NSRP1: variants seen among roughly 807,000 people sequenced by gnomAD.
NSRP1 encodes the protein coiled-coil domain containing 55.
Under a neutral mutation model 54.7 loss-of-function variants are expected in NSRP1, and 24 were observed. The observed-to-expected ratio is 0.44, with a 90% CI of 0.32 to 0.62. The LOEUF is 0.62. Ranked by LOEUF, NSRP1 falls within the 20% of genes least tolerant of loss-of-function variation. The pLI is 0.06. For synonymous variants in NSRP1, 210 were observed against 213.8 expected (o/e 0.98, Z 0.15); for missense variants, 596 against 651.2 (o/e 0.92, Z 0.92).
chr17:30,122,489 C>T (rs1242190967), intron 2 of NSRP1: 1 of 139,684 alleles, frequency 7.2e-6, no homozygotes, highest in Non-Finnish European at 1.5e-5. Context: ...ATTGCAATCT[C>T]TGCCTCCCTG....
At chr17:30,127,261 T>C (rs929425878) in intron 2 of NSRP1, among the ~76,000 whole-genome samples, 2 of 152,238 alleles carry the variant, frequency 1.3e-5, no homozygotes, top group Non-Finnish European at 2.9e-5. Context: ...TGTTTATCTA[T>C]GATAAATGCC....
At chr17:30,133,094 C>T (rs1038120622) in intron 2 of NSRP1, among the ~76,000 whole-genome samples, 9 of 150,648 alleles carry the variant, frequency 6.0e-5, no homozygotes, top group African/African-American at 2.2e-4. Context: ...CAGGCACTCA[C>T]CACCACACCC....
intron 2 of NSRP1, among the ~76,000 whole-genome samples, chr17:30,169,412 A>G (rs7222685): frequency 5.9e-5 from 9 of 151,790 alleles, no homozygotes; most frequent in Non-Finnish European, 4.4e-5. Context: ...TGGAGATGTA[A>G]TCTTCTCAGT....
At chr17:30,134,194 A>G (rs2071727883) in intron 2 of NSRP1, among the ~76,000 whole-genome samples, 1 of 152,230 alleles carries the variant, frequency 6.6e-6, no homozygotes, top group African/African-American at 2.4e-5. Flanking sequence ...GAAAACACAC[A>G]ACATGTATCA....
chr17:30,181,338 A>C lies in NSRP1; in HGVS notation c.617+322A>C, dbSNP rs1481950930. 2.0e-5 allele frequency among the ~76,000 whole-genome samples: 3 copies of C among 152,026 alleles called. No individual in the cohort carries two copies. In the East Asian group the frequency reaches 5.8e-4, roughly 29 times the overall value. On this transcript the variant is annotated intron_variant, in intron 6 of 6. Coordinates refer to ENST00000247026, the MANE Select transcript of NSRP1 (RefSeq NM_032141.4). ...AATTTTTAAGTGATTTATGGGTCTT[A>C]ACAAGGGAGAGCAAAATCTTCAAGG...
At chr17:30,147,573 C>T (rs925016746) in intron 2 of NSRP1, among the ~76,000 whole-genome samples, 1 of 151,170 alleles carries the variant, frequency 6.6e-6, no homozygotes, top group African/African-American at 2.5e-5. Context: ...ACGCCATTCT[C>T]CTGCCTCAGC....
At chr17:30,154,585 T>C (rs558035870) in intron 2 of NSRP1, 1 of 151,524 alleles carries the variant, frequency 6.6e-6, no homozygotes, top group East Asian at 2.0e-4. Context: ...TAGTGGTACA[T>C]ACCCGTAGTC....
chr17:30,155,750 T>C (rs1311014629), intron 2 of NSRP1, among the ~76,000 whole-genome samples: 1 of 152,180 alleles, frequency 6.6e-6, no homozygotes, highest in Non-Finnish European at 1.5e-5. Context: ...ATGTGTGTTC[T>C]AGGAGTTTCT....
At position 30,186,452 on chromosome 17, in the gene NSRP1, A is replaced by G. The variant is rs1364906678; in HGVS notation, c.*778A>G. On this transcript the variant is annotated 3_prime_UTR_variant, in exon 7 of 7. Transcript: ENST00000247026. Reference sequence around the variant, plus strand: ...CAGCATAGTTGGCTTAAATGAAAATAAAATGATATGCTTATACATTTTATT... The same window carrying G: ...CAGCATAGTTGGCTTAAATGAAAATGAAATGATATGCTTATACATTTTATT... The G allele has an allele frequency of 1.3e-5, 2 of 152,262 alleles. No individual in the cohort carries two copies. Among genetic ancestry groups the G allele is most frequent in the Non-Finnish European group, 1.5e-5 (1 of 68,042 alleles). The allele number at this position is 152,262 out of a possible 1,614,324, so 9.4% of individuals were successfully genotyped here.
At chr17:30,168,593 GTAA>G (rs1022429926) in intron 2 of NSRP1, among the ~76,000 whole-genome samples, 56 of 135,374 alleles carry the variant, frequency 4.1e-4, no homozygotes, top group Middle Eastern at 3.9e-3. Context: ...AATAATAATA[GTAA>G]TAATAATAAT....
At chr17:30,167,984 T>C (rs1456920813) in intron 2 of NSRP1, 1 of 152,202 alleles carries the variant, frequency 6.6e-6, no homozygotes, top group African/African-American at 2.4e-5. Flanking sequence ...GTTGGTGAAT[T>C]TCCAATAATA....
rs146216710 is a variant in NSRP1 at position 30,184,811 on chromosome 17, G to A, written c.814G>A (p.Val272Ile). 13 of 1,613,932 alleles carry A rather than the reference G, an allele frequency of 8.1e-6. No individual in the cohort carries two copies. In the African/African-American group the frequency reaches 1.6e-4, roughly 20 times the overall value. The change falls in exon 7 of 7, where the codon GTC (valine) becomes ATC (isoleucine). Residue 272 changes from valine to isoleucine, a missense_variant. Coordinates refer to ENST00000247026, the MANE Select transcript of NSRP1 (RefSeq NM_032141.4). ...TAGAGTGAACTGCAGAAGGGAAAAG[G>A]TCATAGAGACCCCTGAGAATGACTT... ...ETRVNCRREK[V>I]IETPENDFKH...
intron 6 of NSRP1, 122 bp downstream of exon 6, chr17:30,181,138 C>T: frequency 4.5e-6 from 3 of 665,428 alleles, no homozygotes; most frequent in Non-Finnish European, 8.0e-6. Flanking sequence ...TGTCAGCCAG[C>T]CTTACCTAAC....
At chr17:30,156,354 A>G (rs563900457) in intron 2 of NSRP1, among the ~76,000 whole-genome samples, 32 of 91,976 alleles carry the variant, frequency 3.5e-4, no homozygotes, top group Non-Finnish European at 6.5e-4. Context: ...AGTCCTTCCC[A>G]GCCTCTGTTC....
intron 3 of NSRP1, 68 bp downstream of exon 3, chr17:30,172,666 G>A: frequency 2.3e-6 from 3 of 1,286,472 alleles, no homozygotes; most frequent in Non-Finnish European, 3.3e-6. Context: ...CATCAGTTTT[G>A]GTATCTAGGT....
At chr17:30,122,351 T>TATA (rs1567788455) in intron 2 of NSRP1, 56 of 48,306 alleles carry the variant, frequency 1.2e-3, no homozygotes, top group African/African-American at 5.2e-3. Context: ...AACTCTGGTT[T>TATA]CATATATATA....
chr17:30,132,419 T>C (rs2071709123), intron 2 of NSRP1, among the ~76,000 whole-genome samples: 1 of 152,004 alleles, frequency 6.6e-6, no homozygotes, highest in Non-Finnish European at 1.5e-5. Context: ...CCAGTTGTGG[T>C]GGCGTGCGCC....
At chr17:30,172,705 G>C in intron 3 of NSRP1, 107 bp downstream of exon 3, 1 of 793,072 alleles carries the variant, frequency 1.3e-6, no homozygotes, top group Non-Finnish European at 2.0e-6. Context: ...TAGATTTAAG[G>C]AAAAACACAA....
rs1247479510 is a variant in NSRP1, at chr17:30,186,370, A to G, written c.*696A>G. The G allele has an allele frequency of 6.6e-6, 1 of 152,224 alleles. No individual in the cohort carries two copies. Among genetic ancestry groups the G allele is most frequent in the Non-Finnish European group, 1.5e-5 (1 of 68,024 alleles). 9.4% of individuals were successfully genotyped at this position (152,224 alleles called of 1,614,324 possible). A position where few individuals can be genotyped will look rare whatever the true frequency, so the allele number is the denominator to read the frequency against. ...ATTTGAAAAACAGAAAATATACTTT[A>G]TGTTCTGAAATTTGTATTTAAGTAT... is the stretch of plus-strand genomic sequence containing the variant. On this transcript the variant is annotated 3_prime_UTR_variant, in exon 7 of 7. Coordinates refer to ENST00000247026, the MANE Select transcript of NSRP1 (RefSeq NM_032141.4).
Sources: allele counts gnomAD v4.1 joint callset (sites outside exome capture counted in the v4.1 genomes callset), GRCh38; gene constraint gnomAD v4.1.1; transcripts MANE v1.5; gene names NCBI Gene and HGNC (gene_info 2026-07-23, HGNC 2026-07-21).